Variants in CTNND2 observed in about 807,000 individuals in gnomAD.
The protein encoded by CTNND2 is catenin delta 2.
A neutral mutation model predicts 144.4 loss-of-function variants in CTNND2; 22 were observed. The observed-to-expected ratio is 0.15, with a 90% CI of 0.11 to 0.22. CTNND2 has a LOEUF of 0.22. CTNND2 is among the 10% of genes least tolerant of loss of function. CTNND2 has a pLI of 1.00. For missense variants in CTNND2, 1,353 were observed against 1,618.8 expected, an observed-to-expected ratio of 0.84 and a Z score of 2.82; for synonymous variants, 751 against 695.6, an observed-to-expected ratio of 1.08 and a Z score of -1.25.
chr5:11,684,761 G>A (rs1291459411), intron 2 of CTNND2, among the ~76,000 whole-genome samples: 1 of 152,152 alleles, frequency 6.6e-6, no homozygotes, highest in East Asian at 1.9e-4. Flanking sequence ...CTATGTGCTT[G>A]GTCAACCACT....
At chr5:11,634,250 C>T (rs1781568314) in intron 2 of CTNND2, among the ~76,000 whole-genome samples, 1 of 152,092 alleles carries the variant, frequency 6.6e-6, no homozygotes, top group Admixed American at 6.6e-5. Context: ...TTTTCAGCAC[C>T]CAGGGAACCT....
chr5:10,985,197 G>C (rs1318958411), intron 20 of CTNND2, among the ~76,000 whole-genome samples: 1 of 152,202 alleles, frequency 6.6e-6, no homozygotes, highest in Non-Finnish European at 1.5e-5. Context: ...CAGATGGGAA[G>C]GGAAAACCTC....
intron 20 of CTNND2, among the ~76,000 whole-genome samples, chr5:10,985,311 C>T (rs910415029): frequency 6.6e-6 from 1 of 152,174 alleles, no homozygotes; most frequent in Non-Finnish European, 1.5e-5. Context: ...GCTGCAAGAA[C>T]TCGCTATGGA....
intron 12 of CTNND2, among the ~76,000 whole-genome samples, chr5:11,157,166 CT>C (rs1192598638): frequency 6.6e-6 from 1 of 152,174 alleles, no homozygotes; most frequent in East Asian, 1.9e-4. Flanking sequence ...TTTCAGGCCC[CT>C]GGAAGACAGA....
At chr5:11,769,383 A>C (rs780232330) in intron 1 of CTNND2, among the ~76,000 whole-genome samples, 1 of 152,234 alleles carries the variant, frequency 6.6e-6, no homozygotes, top group Non-Finnish European at 1.5e-5. Context: ...ATATCAGCAG[A>C]AGGCAATCAT....
At chr5:11,509,545 A>G (rs1771432339) in intron 3 of CTNND2, among the ~76,000 whole-genome samples, 1 of 152,238 alleles carries the variant, frequency 6.6e-6, no homozygotes, top group African/African-American at 2.4e-5. Flanking sequence ...GAAGCTTGAA[A>G]GCAGGAGAAT....
At chr5:11,147,759 C>T (rs1027912003) in intron 12 of CTNND2, among the ~76,000 whole-genome samples, 2 of 151,112 alleles carry the variant, frequency 1.3e-5, no homozygotes, top group Non-Finnish European at 2.9e-5. Context: ...TGGAGGTGAA[C>T]ATACAGAAAA....
At chr5:11,130,974 C>T (rs762588784) in intron 12 of CTNND2, among the ~76,000 whole-genome samples, 24 of 152,162 alleles carry the variant, frequency 1.6e-4, no homozygotes, top group Admixed American at 2.0e-4. Context: ...ACCCACCACA[C>T]GCCACTGCAG....
At chr5:10,992,731 C>T in intron 18 of CTNND2, 54 bp from the exon 19 acceptor site, 4 of 1,587,378 alleles carry the variant, frequency 2.5e-6, no homozygotes, top group Non-Finnish European at 3.4e-6. Flanking sequence ...GATTTTTCAC[C>T]TCCGGACATT....
intron 1 of CTNND2, among the ~76,000 whole-genome samples, chr5:11,820,447 T>C (rs1285027863): frequency 1.3e-5 from 2 of 152,204 alleles, no homozygotes; most frequent in African/African-American, 2.4e-5. Context: ...GTATCCATAT[T>C]GCATTAACTC....
intron 10 of CTNND2, among the ~76,000 whole-genome samples, chr5:11,200,907 C>T (rs1319688932): frequency 6.7e-6 from 1 of 148,718 alleles, no homozygotes; most frequent in Admixed American, 6.6e-5. Flanking sequence ...TCTCGATCTC[C>T]TGACCTCGTG....
chr5:11,548,339 C>T (rs1311354908), intron 3 of CTNND2, among the ~76,000 whole-genome samples: 1 of 152,120 alleles, frequency 6.6e-6, no homozygotes, highest in Non-Finnish European at 1.5e-5. Context: ...TGGTCAAATT[C>T]TACTTCTTCA....
At chr5:11,411,019 G>A (rs535738061) in intron 5 of CTNND2, among the ~76,000 whole-genome samples, 56 of 151,912 alleles carry the variant, frequency 3.7e-4, no homozygotes, top group Non-Finnish European at 6.2e-4. Context: ...CTATAGGCAC[G>A]CACCACCATG....
At chr5:11,647,829 C>T (rs1214812289) in intron 2 of CTNND2, among the ~76,000 whole-genome samples, 3 of 152,142 alleles carry the variant, frequency 2.0e-5, no homozygotes, top group African/African-American at 7.2e-5. Flanking sequence ...CATGATCTTG[C>T]TCTAGAGTCC....
At position 11,476,818 on chromosome 5, in the gene CTNND2, G is replaced by A. The variant is rs1767790076; in HGVS notation, c.288-64749C>T. ...AAATAATACTTGACAGCGGCATACT[G>A]TTGAAATCATGGTTGTGGGATTAGA... On this transcript the variant is annotated intron_variant, in intron 3 of 21. Transcript: ENST00000304623. 2.6e-5 allele frequency among the ~76,000 whole-genome samples: 4 copies of A among 152,298 alleles called. No homozygotes were observed. In the South Asian group the frequency reaches 8.3e-4, roughly 32 times the overall value.
intron 5 of CTNND2, among the ~76,000 whole-genome samples, chr5:11,407,358 G>A (rs780839961): frequency 2.0e-5 from 3 of 152,126 alleles, no homozygotes; most frequent in Non-Finnish European, 2.9e-5. Flanking sequence ...GGGTGGCAAA[G>A]GTTGTGCACA....
intron 16 of CTNND2, among the ~76,000 whole-genome samples, chr5:11,062,559 G>A (rs959350909): frequency 6.6e-5 from 10 of 152,188 alleles, no homozygotes; most frequent in Non-Finnish European, 1.3e-4. Flanking sequence ...GGGAAAGCCC[G>A]AGCTAATTCA....
intron 14 of CTNND2, among the ~76,000 whole-genome samples, chr5:11,102,985 T>G (rs1034523643): frequency 7.5e-6 from 1 of 134,222 alleles, no homozygotes; most frequent in African/African-American, 2.8e-5. Context: ...TTTTTTTTTT[T>G]TTTTTTTTTT....
intron 1 of CTNND2, among the ~76,000 whole-genome samples, chr5:11,875,840 T>G (rs1735530015): frequency 6.6e-6 from 1 of 152,174 alleles, no homozygotes; most frequent in South Asian, 2.1e-4. Context: ...CTAGGAAGAT[T>G]CAATAACTCA....
Sources: gnomAD v4.1 joint callset for allele counts (sites outside exome capture counted in the v4.1 genomes callset) on GRCh38, gnomAD v4.1.1 for gene constraint, MANE v1.5 for transcripts, NCBI Gene and HGNC (gene_info 2026-07-23, HGNC 2026-07-21) for gene names.